The following NCKAP5 variants were observed in gnomAD, a reference collection of about 807,000 sequenced individuals.
NCKAP5 encodes nck-associated protein 5.
A neutral mutation model predicts 167.0 loss-of-function variants in NCKAP5; 92 were observed. That is an observed-to-expected ratio of 0.55 (90% CI 0.47 to 0.66). The LOEUF (loss-of-function observed/expected upper bound fraction) is 0.66. Ranked by LOEUF, NCKAP5 falls within the 30% of genes least tolerant of loss-of-function variation. The pLI is 0.00. For missense variants in NCKAP5, 2,378 were observed against 2,315.0 expected (o/e 1.03, Z -0.56); for synonymous variants, 891 against 877.4 (o/e 1.02, Z -0.27).
chr2:133,648,765 C>T, the NCKAP5 span, among the ~76,000 whole-genome samples: 1 of 150,518 alleles, frequency 6.6e-6, no homozygotes, highest in Admixed American at 6.6e-5. Context: ...AAAAGGGAAG[C>T]TAATAATGCA....
At chr2:133,199,032 G>A (rs537887315) in intron 5 of NCKAP5, among the ~76,000 whole-genome samples, 1 of 152,060 alleles carries the variant, frequency 6.6e-6, no homozygotes, top group South Asian at 2.1e-4. Context: ...TTCAAAAAAT[G>A]ATACAAATGT....
At chr2:132,674,858 A>G (rs13383391) in intron 19 of NCKAP5, among the ~76,000 whole-genome samples, 4,243 of 152,260 alleles carry the variant, frequency 0.028, 191 homozygotes, top group African/African-American at 0.096. Context: ...TCACAGAGCT[A>G]ATTTTCAATC....
chr2:133,597,521 T>A, the NCKAP5 span, among the ~76,000 whole-genome samples: 1 of 151,514 alleles, frequency 6.6e-6, no homozygotes, highest in African/African-American at 2.4e-5. Flanking sequence ...CACAAAAAAT[T>A]AGCTGGGTGT....
chr2:133,156,346 G>A (rs867323034), intron 5 of NCKAP5, among the ~76,000 whole-genome samples: 10 of 152,140 alleles, frequency 6.6e-5, no homozygotes, highest in East Asian at 1.9e-4. Flanking sequence ...CCAGCTTTCC[G>A]GGTTTTCTAT....
intron 15 of NCKAP5, 52 bp downstream of exon 15, chr2:132,781,000 G>A: frequency 1.3e-6 from 2 of 1,567,364 alleles, no homozygotes; most frequent in African/African-American, 2.7e-5. Context: ...AAAGACCCCA[G>A]CCAGAACATC....
At chr2:132,875,785 T>C (rs1691217507) in intron 9 of NCKAP5, among the ~76,000 whole-genome samples, 1 of 152,176 alleles carries the variant, frequency 6.6e-6, no homozygotes, top group African/African-American at 2.4e-5. Context: ...GTTTTTTCCT[T>C]TGTACTGCAA....
At chr2:132,980,088 C>T (rs2149264736) in intron 7 of NCKAP5, among the ~76,000 whole-genome samples, 1 of 151,194 alleles carries the variant, frequency 6.6e-6, no homozygotes, top group East Asian at 2.0e-4. Flanking sequence ...CTCCCAGGCT[C>T]AGGTGATACT....
chr2:132,812,981 G>C (rs902952308), intron 11 of NCKAP5, among the ~76,000 whole-genome samples: 1 of 152,138 alleles, frequency 6.6e-6, no homozygotes. Context: ...ACTTCCCAAC[G>C]TTCCTGCCTT....
At chr2:132,674,246 A>G (rs931888103) in intron 19 of NCKAP5, among the ~76,000 whole-genome samples, 1 of 152,212 alleles carries the variant, frequency 6.6e-6, no homozygotes, top group Non-Finnish European at 1.5e-5. Flanking sequence ...CCATTTATTA[A>G]GCATCCACTA....
chr2:133,579,030 T>C, the NCKAP5 span, among the ~76,000 whole-genome samples: 3 of 152,204 alleles, frequency 2.0e-5, no homozygotes, highest in Non-Finnish European at 4.4e-5. Flanking sequence ...GGCCAGGTAA[T>C]AATAACAGTA....
At chr2:133,514,720 C>T (rs1418945845) in intron 3 of NCKAP5, among the ~76,000 whole-genome samples, 1 of 152,072 alleles carries the variant, frequency 6.6e-6, no homozygotes, top group Non-Finnish European at 1.5e-5. Flanking sequence ...ATATGTTTCT[C>T]TTTCCTCTAT....
In NCKAP5 at chr2:132,782,312, T is replaced by G; in HGVS notation, c.4499A>C (p.Gln1500Pro). 1 of 1,614,090 alleles carries G rather than the reference T, an allele frequency of 6.2e-7. No individual in the cohort carries two copies. Among genetic ancestry groups the G allele is most frequent in the Non-Finnish European group, 8.5e-7 (1 of 1,179,910 alleles). Residue 1500 changes from glutamine (Q) to proline (P), a missense_variant, in exon 14 of 20, where the codon CAG becomes CCG. Physicochemically the swap from Gln to Pro is moderately conservative, Grantham distance 76 (BLOSUM62 -1). This residue lies in a region of NCKAP5 where 1,325 missense variants were observed against 1,274.5 expected (regional missense o/e 1.04). Coordinates refer to ENST00000409261, the MANE Select transcript of NCKAP5 (RefSeq NM_207363.3). Reference sequence around the variant, plus strand: ...GCTGGCAAAAGAAGGCCCAGGCTTCTGCTTTGCTTCCACAGAGGTGGGCTT... The same window carrying G: ...GCTGGCAAAAGAAGGCCCAGGCTTCGGCTTTGCTTCCACAGAGGTGGGCTT... ...QTKPTSVEAK[Q>P]KPGPSFASWF... is the part of the protein sequence containing the mutation.
chr2:133,471,639 G>C (rs1303542329), intron 3 of NCKAP5, among the ~76,000 whole-genome samples: 1 of 152,128 alleles, frequency 6.6e-6, no homozygotes, highest in African/African-American at 2.4e-5. Flanking sequence ...TTGCTTTCCA[G>C]GACCACTGAT....
chr2:133,084,514 C>T (rs988016228), intron 6 of NCKAP5, among the ~76,000 whole-genome samples: 3 of 152,100 alleles, frequency 2.0e-5, no homozygotes, highest in Non-Finnish European at 4.4e-5. Context: ...ATATGGTGGG[C>T]TTGATTTCAT....
chr2:133,349,163 A>T (rs903926146), intron 3 of NCKAP5, among the ~76,000 whole-genome samples: 1 of 152,214 alleles, frequency 6.6e-6, no homozygotes, highest in Non-Finnish European at 1.5e-5. Flanking sequence ...AGTAAATTCA[A>T]GGCCTATATT....
intron 5 of NCKAP5, among the ~76,000 whole-genome samples, chr2:133,210,951 G>A (rs1315960471): frequency 6.6e-6 from 1 of 151,952 alleles, no homozygotes; most frequent in Non-Finnish European, 1.5e-5. Context: ...ATGAGTCAGG[G>A]ATCCGTTGAG....
intron 3 of NCKAP5, among the ~76,000 whole-genome samples, chr2:133,321,961 T>C (rs968732437): frequency 6.6e-6 from 1 of 152,194 alleles, no homozygotes; most frequent in Non-Finnish European, 1.5e-5. Flanking sequence ...CAATATTAAT[T>C]AGGTAAAACT....
Position 133,547,071 on chromosome 2 carries a change from G to A in NCKAP5, c.-62+11979C>T, listed in dbSNP as rs545204163. ...CGAGGCATTGCCTCACTTGGGAAGT[G>A]CAAGGGGTCACGGAGTTCCCTTTCC... On this transcript the variant is annotated intron_variant, in intron 2 of 19. Transcript: ENST00000409261. Among the ~76,000 whole-genome samples the A allele has an allele frequency of 5.1e-3, 770 of 152,338 alleles. 7 individuals are homozygous for A. The highest frequency in any genetic ancestry group is 0.017 in the African/African-American group (717 of 41,590).
chr2:133,345,031 A>T, intron 3 of NCKAP5, among the ~76,000 whole-genome samples: 1 of 152,114 alleles, frequency 6.6e-6, no homozygotes, highest in African/African-American at 2.4e-5. Context: ...CTTAGAGAAT[A>T]ATGACAGAGA....
Sources: allele counts gnomAD v4.1 joint callset (sites outside exome capture counted in the v4.1 genomes callset), GRCh38; gene constraint gnomAD v4.1.1; regional missense constraint gnomAD v4.1.1; transcripts MANE v1.5; gene names NCBI Gene and HGNC (gene_info 2026-07-23, HGNC 2026-07-21).